DNAAF6: variants seen among roughly 807,000 people sequenced by gnomAD.
DNAAF6 encodes PIH1 domain containing 3.
DNAAF6 carries 3 observed loss-of-function variants against 13.7 expected under a neutral mutation model. The observed-to-expected ratio is 0.22, with a 90% confidence interval of 0.10 to 0.56. DNAAF6 has a LOEUF of 0.56. DNAAF6 is among the 20% of genes least tolerant of loss of function. The probability of loss-of-function intolerance (pLI) is 0.92; values close to 1 mark genes in which losing one functional copy is unlikely to be tolerated. For missense variants in DNAAF6, 130 were observed against 151.0 expected, an observed-to-expected ratio of 0.86 and a Z score of 0.73; for synonymous variants, 54 against 49.2, an observed-to-expected ratio of 1.10 and a Z score of -0.41.
At chrX:107,236,474 C>T (rs1441042643) in intron 5 of DNAAF6, among the ~76,000 whole-genome samples, 3 of 111,741 alleles carry the variant, frequency 2.7e-5, no homozygotes, top group Admixed American at 9.5e-5. Context: ...AAATCTCATG[C>T]ATGTGTCAGG....
At chrX:107,217,470 T>G (rs1366271747) in intron 3 of DNAAF6, among the ~76,000 whole-genome samples, 1 of 111,716 alleles carries the variant, frequency 9.0e-6, no homozygotes, top group East Asian at 2.8e-4. Context: ...AATAGACTTT[T>G]GGAGAAGACA....
intron 3 of DNAAF6, 131 bp from the exon 4 acceptor site, chrX:107,218,732 TC>T: frequency 1.7e-6 from 1 of 574,769 alleles, no homozygotes; most frequent in Non-Finnish European, 2.6e-6. Flanking sequence ...TTTGTTTTGA[TC>T]AAAAAAAAAA....
intron 4 of DNAAF6, 148 bp downstream of exon 4, chrX:107,219,117 A>AT: frequency 1.3e-6 from 1 of 758,499 alleles, no homozygotes; most frequent in Non-Finnish European, 1.7e-6. Flanking sequence ...GTAATTGATT[A>AT]TTTTTTTCCT....
intron 6 of DNAAF6, among the ~76,000 whole-genome samples, chrX:107,239,913 C>A (rs777237544): frequency 9.0e-6 from 1 of 111,651 alleles, no homozygotes; most frequent in African/African-American, 3.2e-5. Context: ...ATTTTATACA[C>A]GAATTTACTC....
At chrX:107,222,622 A>C (rs1928171155) in intron 4 of DNAAF6, 123 bp from the exon 5 acceptor site, 1 of 867,328 alleles carries the variant, frequency 1.2e-6, no homozygotes, top group African/African-American at 2.1e-5. Context: ...ACCTGCAAGC[A>C]CTTTATTTGT....
intron 4 of DNAAF6, 147 bp downstream of exon 4, chrX:107,219,116 TA>T (rs1215454307): frequency 1.0e-5 from 8 of 767,197 alleles, no homozygotes; most frequent in African/African-American, 2.3e-5. Flanking sequence ...TGTAATTGAT[TA>T]TTTTTTTCCT....
At chrX:107,233,934 G>T (rs1235083196) in intron 5 of DNAAF6, among the ~76,000 whole-genome samples, 1 of 111,913 alleles carries the variant, frequency 8.9e-6, no homozygotes, top group African/African-American at 3.2e-5. Context: ...AATGATTTGG[G>T]AGTCTGAGAC....
rs766867436 is a variant in DNAAF6 at position 107,216,720 on chromosome X, C to A, written c.203C>A (p.Pro68Gln). 1.1e-5 allele frequency: 13 copies of A among 1,194,073 alleles called. No homozygotes were observed. The highest frequency in any genetic ancestry group is 9.1e-6 in the Non-Finnish European group (8 of 883,548). The stretch of plus-strand genomic sequence containing the variant: ...GCCATGGGTCCTGGGAATATTGGAC[C>A]ACCCCAAATAGAAGAGCTCAAAGGT... ...IGAMGPGNIG[P>Q]PQIEELKVIP... The change falls in exon 3 of 7, where the codon CCA becomes CAA. Residue 68 changes from proline to glutamine, a missense_variant. Coordinates refer to ENST00000372453, the MANE Select transcript of DNAAF6 (RefSeq NM_173494.2).
chrX:107,218,814 A>G, intron 3 of DNAAF6, 50 bp from the exon 4 acceptor site: 2 of 1,129,577 alleles, frequency 1.8e-6, no homozygotes, highest in Non-Finnish European at 2.4e-6. Context: ...GGAGCAATTT[A>G]GAGAAGGAAA....
intron 1 of DNAAF6, among the ~76,000 whole-genome samples, chrX:107,210,971 A>C (rs778269733): frequency 2.0e-4 from 22 of 111,813 alleles, no homozygotes; most frequent in Admixed American, 1.9e-3. Flanking sequence ...TTAGAAATAA[A>C]AGATAGAGCT....
chrX:107,222,420 A>G (rs753116530), intron 4 of DNAAF6, among the ~76,000 whole-genome samples: 2 of 111,667 alleles, frequency 1.8e-5, no homozygotes, highest in African/African-American at 6.5e-5. Context: ...TCAGGAACAG[A>G]CTTTCCTTTT....
Position 107,219,048 on chromosome X carries a change from A to T in DNAAF6, c.332+79A>T, listed in dbSNP as rs1011418541. 13 of 1,031,085 alleles carry T rather than the reference A, an allele frequency of 1.3e-5. No individual in the cohort carries two copies. In the African/African-American group the frequency reaches 2.2e-4, roughly 18 times the overall value. The allele number at this position is 1,031,085 out of a possible 1,213,427, so 85.0% of individuals were successfully genotyped here. A position where few individuals can be genotyped will look rare whatever the true frequency, so the allele number is the denominator to read the frequency against. On this transcript the variant is annotated intron_variant, in intron 4 of 6. Coordinates refer to ENST00000372453, the MANE Select transcript of DNAAF6 (RefSeq NM_173494.2). ...CTGATAACATTTTACTTTTTACAAG[A>T]TTCATAAAGTAACATACCACATAAA... is the stretch of plus-strand genomic sequence containing the variant.
intron 5 of DNAAF6, among the ~76,000 whole-genome samples, chrX:107,224,204 A>T (rs1484042135): frequency 9.0e-6 from 1 of 111,672 alleles, no homozygotes; most frequent in Non-Finnish European, 1.9e-5. Context: ...ACTAACATAA[A>T]TGAACCAATT....
intron 4 of DNAAF6, among the ~76,000 whole-genome samples, chrX:107,221,386 C>T (rs1041095042): frequency 2.7e-5 from 3 of 110,574 alleles, no homozygotes; most frequent in Non-Finnish European, 5.7e-5. Flanking sequence ...TCCCAAGTAG[C>T]TGGGACTACA....
intron 2 of DNAAF6, among the ~76,000 whole-genome samples, chrX:107,215,486 G>T (rs191046553): frequency 1.8e-5 from 2 of 111,929 alleles, no homozygotes; most frequent in East Asian, 5.6e-4. Flanking sequence ...ATTATCTTGG[G>T]ATTTTCACAT....
chrX:107,216,816 AAGTACT>A, intron 3 of DNAAF6, 73 bp downstream of exon 3: 1 of 720,505 alleles, frequency 1.4e-6, no homozygotes, highest in Non-Finnish European at 2.0e-6. Context: ...GGAGAGTAAT[AAGTACT>A]AATACTAGTA....
chrX:107,220,865 A>C (rs1236907046), intron 4 of DNAAF6, among the ~76,000 whole-genome samples: 3 of 111,867 alleles, frequency 2.7e-5, no homozygotes, highest in African/African-American at 9.7e-5. Flanking sequence ...TAGGTTAAGA[A>C]GAAGCAGTGA....
chrX:107,243,322 T>C lies in DNAAF6; in HGVS notation c.*24T>C, dbSNP rs1352726161. On this transcript the variant is annotated 3_prime_UTR_variant, in exon 7 of 7. Transcript: ENST00000372453. ...GAAACTGCATGAAAAAGATAAAAAG[T>C]AGTAAAATGGCATTGGTAACAATTA... 1 of 1,181,661 alleles carries C rather than the reference T, an allele frequency of 8.5e-7. No individual in the cohort carries two copies. Among genetic ancestry groups the C allele is most frequent in the Non-Finnish European group, 1.1e-6 (1 of 882,208 alleles).
intron 5 of DNAAF6, 82 bp from the exon 6 acceptor site, chrX:107,238,840 T>C: frequency 8.7e-7 from 1 of 1,154,993 alleles, no homozygotes; most frequent in Non-Finnish European, 1.2e-6. Context: ...AATATTAGTC[T>C]CTTTTCCCCA....
Sources: gnomAD v4.1 joint callset for allele counts (sites outside exome capture counted in the v4.1 genomes callset) on GRCh38, gnomAD v4.1.1 for gene constraint, MANE v1.5 for transcripts, NCBI Gene and HGNC (gene_info 2026-07-23, HGNC 2026-07-21) for gene names.